Variants in MMRN1 observed in about 807,000 individuals in gnomAD.
MMRN1 encodes multimerin 1.
In MMRN1, 94 loss-of-function variants were observed where a neutral mutation model predicts 100.7. The observed-to-expected ratio is 0.93, with a 90% CI of 0.79 to 1.11. The LOEUF (loss-of-function observed/expected upper bound fraction) is 1.11. MMRN1 is among the 50% of genes least tolerant of loss of function. MMRN1 has a pLI of 0.00. For missense variants in MMRN1, 1,606 were observed against 1,439.1 expected, an observed-to-expected ratio of 1.12 and a Z score of -1.88; for synonymous variants, 575 against 505.0, an observed-to-expected ratio of 1.14 and a Z score of -1.86.
At chr4:89,932,111 A>T (rs1256990498) in intron 5 of MMRN1, among the ~76,000 whole-genome samples, 1 of 152,196 alleles carries the variant, frequency 6.6e-6, no homozygotes, top group South Asian at 2.1e-4. Flanking sequence ...GGGTAAATAC[A>T]GCCATTCCAA....
At chr4:89,913,322 G>T (rs1326724498) in intron 3 of MMRN1, among the ~76,000 whole-genome samples, 2 of 151,248 alleles carry the variant, frequency 1.3e-5, no homozygotes, top group Non-Finnish European at 3.0e-5. Context: ...ATTCAAGTTT[G>T]TTTGCAGAGC....
At chr4:89,881,662 G>A (rs1281526081) in intron 1 of MMRN1, among the ~76,000 whole-genome samples, 1 of 151,830 alleles carries the variant, frequency 6.6e-6, no homozygotes, top group East Asian at 1.9e-4. Context: ...TTTCTAGTCA[G>A]TACTGTTACT....
intron 3 of MMRN1, among the ~76,000 whole-genome samples, chr4:89,918,088 CT>C (rs1278612214): frequency 6.6e-6 from 1 of 151,110 alleles, no homozygotes; most frequent in Non-Finnish European, 1.5e-5. Context: ...ATTAGAAAAT[CT>C]TTTTCTTACA....
chr4:89,902,034 TGGAATAGAAACAGTTTACAACGCCC>T (rs1450589923), intron 1 of MMRN1: 5 of 151,840 alleles, frequency 3.3e-5, no homozygotes, highest in African/African-American at 1.2e-4. Flanking sequence ...TGACACCTAC[TGGAATAGAAACAGTTTACAACGCCC>T]GGAATATGCT....
chr4:89,904,236 C>A (rs1721485712), intron 1 of MMRN1, among the ~76,000 whole-genome samples: 1 of 151,660 alleles, frequency 6.6e-6, no homozygotes, highest in Non-Finnish European at 1.5e-5. Flanking sequence ...CTTTGTGTGG[C>A]ATTTTTTTCA....
intron 3 of MMRN1, among the ~76,000 whole-genome samples, chr4:89,917,010 G>C (rs1211845921): frequency 6.6e-6 from 1 of 151,568 alleles, no homozygotes; most frequent in East Asian, 1.9e-4. Context: ...GTAGCACGGA[G>C]GGAACTATAT....
At chr4:89,880,990 G>T (rs527347864) in intron 1 of MMRN1, among the ~76,000 whole-genome samples, 2 of 152,120 alleles carry the variant, frequency 1.3e-5, no homozygotes, top group Non-Finnish European at 2.9e-5. Context: ...TCATAAAGTC[G>T]ATAAATGTAA....
chr4:89,901,284 G>A (rs989281613), intron 1 of MMRN1, among the ~76,000 whole-genome samples: 2 of 151,934 alleles, frequency 1.3e-5, no homozygotes, highest in Middle Eastern at 3.2e-3. Context: ...ACATGTTAAT[G>A]AGAAGGGTCA....
Position 89,936,594 on chromosome 4 carries a change from C to A in MMRN1, c.2914C>A (p.Gln972Lys), listed in dbSNP as rs1207960659. ...GLTEFVEPII[Q>K]IKTQAALSNL... Reference sequence around the variant, plus strand: ...AACAGAATTTGTGGAACCAATAATTCAAATAAAAACTCAAGCTGCCCTATC... The same window carrying A: ...AACAGAATTTGTGGAACCAATAATTAAAATAAAAACTCAAGCTGCCCTATC... The change falls in exon 6 of 8, where the codon CAA becomes AAA. Residue 972 changes from glutamine to lysine, a missense_variant. Gln to Lys is a moderately conservative substitution (Grantham distance 53). Coordinates refer to ENST00000264790, the MANE Select transcript of MMRN1 (RefSeq NM_007351.3). 1.2e-6 allele frequency: 2 copies of A among 1,611,462 alleles called. No individual in the cohort carries two copies. The highest frequency in any genetic ancestry group is 2.7e-5 in the African/African-American group (2 of 74,754).
At chr4:89,910,321 T>C (rs1721708801) in intron 2 of MMRN1, among the ~76,000 whole-genome samples, 1 of 151,448 alleles carries the variant, frequency 6.6e-6, no homozygotes, top group South Asian at 2.1e-4. Flanking sequence ...TTGCTAATTC[T>C]TTAGTAATAA....
chr4:89,927,929 A>G lies in MMRN1; in HGVS notation c.1090A>G (p.Ser364Gly), dbSNP rs143791649. ...TTACTCCTCCCTAGAAGGAAAAGTC[A>G]GCGAAGATAAAAGCAGAGAATTTCA... ...NTYSSLEGKVSEDKSREFQSL... is the reference protein window; with the variant it reads ...NTYSSLEGKVGEDKSREFQSL... Residue 364 changes from serine to glycine, a missense_variant, in exon 5 of 8, where the codon AGC becomes GGC. Physicochemically the swap from Ser to Gly is moderately conservative, Grantham distance 56. Coordinates refer to ENST00000264790, the MANE Select transcript of MMRN1 (RefSeq NM_007351.3). 11 of 1,605,058 alleles carry G rather than the reference A, an allele frequency of 6.9e-6. No homozygotes were observed. Among genetic ancestry groups the G allele is most frequent in the Non-Finnish European group, 9.3e-6 (11 of 1,176,704 alleles).
Position 89,935,419 on chromosome 4 carries a change from C to G in MMRN1, c.1739C>G (p.Ser580Cys), listed in dbSNP as rs1294919520. The G allele has an allele frequency of 3.1e-6, 5 of 1,613,452 alleles. No individual in the cohort carries two copies. Among genetic ancestry groups the G allele is most frequent in the Non-Finnish European group, 4.2e-6 (5 of 1,179,746 alleles). Reference protein sequence around the residue: ...QESKINNLTVSLEMEKESLRG... With the variant: ...QESKINNLTVCLEMEKESLRG... ...AGCAAGATTAACAATCTCACCGTCT[C>G]TTTGGAGATGGAGAAAGAGTCTCTC... The change falls in exon 6 of 8, where the codon TCT becomes TGT. Residue 580 changes from serine to cysteine, a missense_variant. Ser to Cys is a moderately radical substitution (Grantham distance 112). Transcript: ENST00000264790.
At position 89,934,886 on chromosome 4, in the gene MMRN1, G is replaced by T; in HGVS notation, c.1206G>T (p.Met402Ile). 2 of 1,601,938 alleles carry T rather than the reference G, an allele frequency of 1.2e-6. No homozygotes were observed. The highest frequency in any genetic ancestry group is 2.3e-5 in the South Asian group (2 of 88,228). ...AATTTAAAATTTTTCAAAATGACATGCAAGAGACTGTAGCACAGCTCTTCA... is the reference window on the plus strand; with the variant it reads ...AATTTAAAATTTTTCAAAATGACATTCAAGAGACTGTAGCACAGCTCTTCA... ...REQFKIFQNDMQETVAQLFKT... is the reference protein window; with the variant it reads ...REQFKIFQNDIQETVAQLFKT... Residue 402 changes from methionine (M) to isoleucine (I), a missense_variant, in exon 6 of 8, where the codon ATG becomes ATT. Transcript: ENST00000264790.
chr4:89,948,549 A>G (rs1723061637), intron 6 of MMRN1, among the ~76,000 whole-genome samples: 1 of 152,210 alleles, frequency 6.6e-6, no homozygotes, highest in Non-Finnish European at 1.5e-5. Flanking sequence ...ACAGTGTGAT[A>G]CAGATGCAGA....
At position 89,936,289 on chromosome 4, in the gene MMRN1, C is replaced by T. The variant is rs887723150; in HGVS notation, c.2609C>T (p.Thr870Ile). The T allele has an allele frequency of 3.1e-6, 5 of 1,611,636 alleles. No homozygotes were observed. Among genetic ancestry groups the T allele is most frequent in the African/African-American group, 1.3e-5 (1 of 74,754 alleles). Residue 870 changes from threonine to isoleucine, a missense_variant, in exon 6 of 8, where the codon ACC becomes ATC. Coordinates refer to ENST00000264790, the MANE Select transcript of MMRN1 (RefSeq NM_007351.3). Reference protein sequence around the residue: ...TRLQDIESKVTQTLIPYYISV... With the variant: ...TRLQDIESKVIQTLIPYYISV... ...TTGCAAGACATTGAGTCTAAAGTTA[C>T]CCAGACGCTCATACCTTATTATATT...
Position 89,935,099 on chromosome 4 carries a change from A to G in MMRN1, c.1419A>G (p.Thr473=), listed in dbSNP as rs778916994. 33 of 1,613,620 alleles carry G rather than the reference A, an allele frequency of 2.0e-5. No homozygotes were observed. The highest frequency in any genetic ancestry group is 2.8e-5 in the Non-Finnish European group (33 of 1,179,776). The change falls in exon 6 of 8, where the codon ACA becomes ACG. Residue 473 remains threonine, a synonymous_variant. Transcript: ENST00000264790. ...ATGTAAGGCAAGAAATGACTCTTAC[A>G]TGTGAGAAGCCTATTAAAGAACTAG... is the stretch of plus-strand genomic sequence containing the variant. ...IVNVRQEMTL[T]CEKPIKELEV... is the part of the protein sequence containing the mutation.
chr4:89,949,414 G>A lies in MMRN1; in HGVS notation c.3119-2191G>A, dbSNP rs1218048844. 2.6e-5 allele frequency among the ~76,000 whole-genome samples: 4 copies of A among 152,280 alleles called. No homozygotes were observed. In the East Asian group the frequency reaches 7.7e-4, roughly 29 times the overall value. On this transcript the variant is annotated intron_variant, in intron 6 of 7. Transcript: ENST00000264790. ...AAACTTCTCCTGTGAGTTGATCACT[G>A]TGCTAAATTCAGAGAATGTAAAAAT...
chr4:89,917,866 T>A (rs1453181505), intron 3 of MMRN1, among the ~76,000 whole-genome samples: 2 of 151,918 alleles, frequency 1.3e-5, no homozygotes, highest in Non-Finnish European at 2.9e-5. Flanking sequence ...TGCATTCAAT[T>A]TTTATCAGCA....
chr4:89,932,806 G>A (rs1722484753), intron 5 of MMRN1, among the ~76,000 whole-genome samples: 1 of 152,122 alleles, frequency 6.6e-6, no homozygotes, highest in East Asian at 1.9e-4. Flanking sequence ...GCTGGTGATG[G>A]GAGGCACTGC....
Sources: gnomAD v4.1 joint callset for allele counts (sites outside exome capture counted in the v4.1 genomes callset) on GRCh38, gnomAD v4.1.1 for gene constraint, MANE v1.5 for transcripts, NCBI Gene and HGNC (gene_info 2026-07-23, HGNC 2026-07-21) for gene names.